Variants in MZT1 observed in about 807,000 individuals in gnomAD.
MZT1 encodes the protein mitotic-spindle organizing protein 1.
Under a neutral mutation model 8.5 loss-of-function variants are expected in MZT1, and 8 were observed. That is an observed-to-expected ratio of 0.94 (90% CI 0.55 to 1.70). The LOEUF (loss-of-function observed/expected upper bound fraction) is 1.70, where lower values mean the gene tolerates loss of function less well. Ranked by LOEUF, MZT1 falls within the 40% of genes most tolerant of loss-of-function variation. The pLI is 0.00. For synonymous variants in MZT1, 38 were observed against 42.0 expected, an observed-to-expected ratio of 0.90 and a Z score of 0.37; for missense variants, 93 against 108.6, an observed-to-expected ratio of 0.86 and a Z score of 0.64.
chr13:72,724,752 A>ATATATGTGTGTG lies in MZT1; in HGVS notation c.79+2771_79+2772insCACACACATATA, dbSNP rs1180726488. Among the ~76,000 whole-genome samples, 82 of 56,878 alleles carry ATATATGTGTGTG rather than the reference A, an allele frequency of 1.4e-3. 10 individuals carry two copies. The highest frequency in any genetic ancestry group is 3.1e-3 in the East Asian group (5 of 1,614). 37.3% of individuals were successfully genotyped at this position (56,878 alleles called of 152,430 possible). On this transcript the variant is annotated intron_variant, in intron 1 of 2. Transcript: ENST00000377818. ...TATATATATATATACACATATATATATGTAAAGTGGTGCTACAGGCCGGGC... is the reference window on the plus strand; with the variant it reads ...TATATATATATATACACATATATATATATATGTGTGTGTGTAAAGTGGTGCTACAGGCCGGGC...
rs111887362 is a variant in MZT1 at position 72,726,433 on chromosome 13, A to T, written c.79+1091T>A. On this transcript the variant is annotated intron_variant, in intron 1 of 2. Coordinates refer to ENST00000377818, the MANE Select transcript of MZT1 (RefSeq NM_001071775.3). ...GCAACTACAGCAAGACTGTGTCTCA[A>T]AAAAGAAAAAAAGAGCCTACGGTGA... 4.2e-3 allele frequency among the ~76,000 whole-genome samples: 637 copies of T among 152,272 alleles called. 1 individual carries two copies. Among genetic ancestry groups the T allele is most frequent in the Non-Finnish European group, 7.6e-3 (514 of 68,016 alleles).
intron 1 of MZT1, among the ~76,000 whole-genome samples, chr13:72,724,752 A>ATATATATGTGTGTGTGTGTG (rs1180726488): frequency 8.8e-5 from 5 of 56,886 alleles, no homozygotes; most frequent in Admixed American, 2.6e-4. Context: ...ACATATATAT[A>ATATATATGTGTGTGTGTGTG]TGTAAAGTGG....
At chr13:72,727,378 C>T in intron 1 of MZT1, 146 bp downstream of exon 1, 4 of 795,156 alleles carry the variant, frequency 5.0e-6, no homozygotes, top group Non-Finnish European at 8.6e-6. Context: ...ATCAGCCCTG[C>T]GGCCCTGGCA....
intron 2 of MZT1, among the ~76,000 whole-genome samples, chr13:72,717,694 C>T (rs1194646871): frequency 2.0e-5 from 3 of 152,214 alleles, no homozygotes; most frequent in African/African-American, 7.2e-5. Context: ...AATAAATGTT[C>T]CCCATTTCCA....
intron 1 of MZT1, among the ~76,000 whole-genome samples, chr13:72,719,956 A>G (rs1291893784): frequency 6.6e-6 from 1 of 152,200 alleles, no homozygotes; most frequent in Non-Finnish European, 1.5e-5. Flanking sequence ...TTTTAAGTCA[A>G]CTGTCAACAT....
intron 2 of MZT1, among the ~76,000 whole-genome samples, chr13:72,711,770 C>A (rs2138005768): frequency 6.6e-6 from 1 of 151,538 alleles, no homozygotes; most frequent in East Asian, 1.9e-4. Flanking sequence ...GAACCTTATG[C>A]TTGTAAAGCC....
In MZT1 at chr13:72,710,768, T is replaced by G. The variant is rs190605780; in HGVS notation, c.226-423A>C. On this transcript the variant is annotated intron_variant, in intron 2 of 2. Transcript: ENST00000377818. ...CAAAAGATGAATAATGAACATCTTATCTAATCCTGTCTCATCTACATCCCT... is the reference window on the plus strand; with the variant it reads ...CAAAAGATGAATAATGAACATCTTAGCTAATCCTGTCTCATCTACATCCCT... 1.5e-3 allele frequency among the ~76,000 whole-genome samples: 232 copies of G among 152,202 alleles called. 2 individuals are homozygous for G. The highest frequency in any genetic ancestry group is 5.1e-3 in the African/African-American group (211 of 41,550).
intron 1 of MZT1, among the ~76,000 whole-genome samples, chr13:72,725,095 G>C (rs2032635059): frequency 1.3e-5 from 2 of 150,536 alleles, no homozygotes; most frequent in Admixed American, 1.3e-4. Context: ...CTCTCATAAG[G>C]AATAATTATC....
Position 72,719,043 on chromosome 13 carries a change from G to C in MZT1, c.134C>G (p.Ser45Cys). Residue 45 changes from serine to cysteine, a missense_variant, in exon 2 of 3, where the codon TCT becomes TGT. Physicochemically the swap from Ser to Cys is moderately radical, Grantham distance 112 (BLOSUM62 -1). Transcript: ENST00000377818. ...LNTGLDMETL[S>C]ICVRLCEQGI... ...TTGTTCACAAAGCCGTACACAAATAGACAGAGTTTCCATATCTAAGCCAGT... is the reference window on the plus strand; with the variant it reads ...TTGTTCACAAAGCCGTACACAAATACACAGAGTTTCCATATCTAAGCCAGT... The C allele has an allele frequency of 6.3e-7, 1 of 1,581,162 alleles. No homozygotes were observed. Among genetic ancestry groups the C allele is most frequent in the South Asian group, 1.2e-5 (1 of 84,854 alleles).
intron 1 of MZT1, among the ~76,000 whole-genome samples, chr13:72,720,351 A>G (rs2032580244): frequency 6.6e-6 from 1 of 152,222 alleles, no homozygotes; most frequent in South Asian, 2.1e-4. Flanking sequence ...TCATTTATAT[A>G]AGCCATTTTA....
intron 2 of MZT1, among the ~76,000 whole-genome samples, chr13:72,715,753 T>C (rs775475090): frequency 6.6e-6 from 1 of 152,152 alleles, no homozygotes; most frequent in Non-Finnish European, 1.5e-5. Context: ...CTCTTGCTCC[T>C]GTTTTTGCCA....
At chr13:72,723,134 C>T (rs551084836) in intron 1 of MZT1, among the ~76,000 whole-genome samples, 2 of 152,148 alleles carry the variant, frequency 1.3e-5, no homozygotes, top group African/African-American at 4.8e-5. Context: ...TAGACCCCCC[C>T]ACGTATAAAG....
intron 1 of MZT1, among the ~76,000 whole-genome samples, chr13:72,719,576 T>G (rs1347756396): frequency 6.6e-6 from 1 of 152,192 alleles, no homozygotes; most frequent in Non-Finnish European, 1.5e-5. Flanking sequence ...AGGATAAATT[T>G]CTAGAAGTAG....
chr13:72,721,404 G>A (rs1278922643), intron 1 of MZT1, among the ~76,000 whole-genome samples: 4 of 152,158 alleles, frequency 2.6e-5, no homozygotes, highest in African/African-American at 4.8e-5. Flanking sequence ...CACGGTGCAC[G>A]GTTCACTCTA....
chr13:72,722,524 GATTT>G (rs1246647098), intron 1 of MZT1, among the ~76,000 whole-genome samples: 5 of 152,108 alleles, frequency 3.3e-5, no homozygotes, highest in Non-Finnish European at 5.9e-5. Context: ...ATCTTCCATA[GATTT>G]ATTTTAGGTG....
chr13:72,714,862 T>C (rs1327989671), intron 2 of MZT1, among the ~76,000 whole-genome samples: 3 of 152,246 alleles, frequency 2.0e-5, no homozygotes, highest in South Asian at 2.1e-4. Flanking sequence ...AGAAGCCTGC[T>C]TCAGGGGTGG....
intron 1 of MZT1, among the ~76,000 whole-genome samples, 153 bp downstream of exon 1, chr13:72,727,371 A>G (rs2032683889): frequency 6.6e-6 from 1 of 152,238 alleles, no homozygotes; most frequent in Non-Finnish European, 1.5e-5. Context: ...TAGGGCCATC[A>G]GCCCTGCGGC....
intron 2 of MZT1, among the ~76,000 whole-genome samples, chr13:72,715,309 T>C (rs2032524323): frequency 6.6e-6 from 1 of 152,224 alleles, no homozygotes; most frequent in South Asian, 2.1e-4. Flanking sequence ...TTACCCAATG[T>C]CTATAATCCC....
At chr13:72,717,337 C>CTTTTTT (rs1172063809) in intron 2 of MZT1, among the ~76,000 whole-genome samples, 4 of 110,986 alleles carry the variant, frequency 3.6e-5, no homozygotes, top group African/African-American at 1.2e-4. Context: ...CTGTCACTTT[C>CTTTTTT]TTTTTTTTTT....
Sources: gnomAD v4.1 joint callset for allele counts (sites outside exome capture counted in the v4.1 genomes callset) on GRCh38, gnomAD v4.1.1 for gene constraint, MANE v1.5 for transcripts, NCBI Gene and HGNC (gene_info 2026-07-23, HGNC 2026-07-21) for gene names.